The following FBXO10 variants were observed in gnomAD, a reference collection of about 807,000 sequenced individuals.
The protein encoded by FBXO10 is F-box protein 10, also known as F-box only protein 10.
A neutral mutation model predicts 80.7 loss-of-function variants in FBXO10; 39 were observed. That is an observed-to-expected ratio of 0.48 (90% confidence interval 0.37 to 0.63). The LOEUF (loss-of-function observed/expected upper bound fraction) is 0.63. Among genes scored for constraint, FBXO10 ranks in the 30% least tolerant of loss-of-function variants. The pLI is 0.00. For synonymous variants in FBXO10, 449 were observed against 489.6 expected (o/e 0.92, Z 1.09); for missense variants, 1,025 against 1,269.0 (o/e 0.81, Z 2.92).
chr9:37,515,939 G>A lies in FBXO10; in HGVS notation c.2661C>T (p.Ile887=). 6.2e-7 allele frequency: 1 copy of A among 1,613,928 alleles called. No individual in the cohort carries two copies. The highest frequency in any genetic ancestry group is 8.5e-7 in the Non-Finnish European group (1 of 1,179,856). Residue 887 remains isoleucine, a synonymous_variant, in exon 10 of 11, where the codon ATC becomes ATT. Coordinates refer to ENST00000432825, the MANE Select transcript of FBXO10 (RefSeq NM_012166.3). ...FQQISNNREC[I]MQNNKFLVFK... ...AGACCAGGAACTTGTTGTTTTGCAT[G>A]ATGCATTCTCGGTTGTTTGAGATCT...
chr9:37,553,695 C>T (rs147430949), intron 1 of FBXO10, among the ~76,000 whole-genome samples: 2 of 149,816 alleles, frequency 1.3e-5, no homozygotes, highest in South Asian at 2.1e-4. Context: ...CACCAGAGGT[C>T]GGGAGTTCGA....
intron 3 of FBXO10, among the ~76,000 whole-genome samples, chr9:37,533,320 C>A (rs1008943249): frequency 1.3e-5 from 2 of 151,956 alleles, no homozygotes; most frequent in South Asian, 2.1e-4. Flanking sequence ...CCGAGGTGGG[C>A]GGATCACTTG....
intron 1 of FBXO10, among the ~76,000 whole-genome samples, chr9:37,567,270 G>A (rs1356255953): frequency 6.6e-6 from 1 of 150,734 alleles, no homozygotes; most frequent in Non-Finnish European, 1.5e-5. Context: ...AGCCTCCTGA[G>A]TAGCTGGGAC....
At chr9:37,520,296 C>T (rs1369355903) in intron 8 of FBXO10, among the ~76,000 whole-genome samples, 3 of 132,054 alleles carry the variant, frequency 2.3e-5, no homozygotes, top group Non-Finnish European at 3.2e-5. Flanking sequence ...CAAGAAATAT[C>T]AAACATCTTC....
In FBXO10 at chr9:37,537,254, G is replaced by A; in HGVS notation, c.1275C>T (p.Asn425=). 6.2e-7 allele frequency: 1 copy of A among 1,613,914 alleles called. No homozygotes were observed. Among genetic ancestry groups the A allele is most frequent in the East Asian group, 2.2e-5 (1 of 44,884 alleles). ...TGCGGATGAGGCAGCCCTGCACGGA[G>A]TTGGCCAGTGCCATGGCCTCCTTAT... is the stretch of plus-strand genomic sequence containing the variant. ...QKDKEAMALA[N]SVQGCLIRKC... The change falls in exon 3 of 11, where the codon AAC becomes AAT. Residue 425 remains asparagine, a synonymous_variant. Transcript: ENST00000432825.
intron 1 of FBXO10, among the ~76,000 whole-genome samples, chr9:37,565,291 C>G (rs1054339981): frequency 6.6e-6 from 1 of 152,124 alleles, no homozygotes; most frequent in Admixed American, 6.5e-5. Flanking sequence ...AGCGTGAGCA[C>G]AGACTAACAC....
chr9:37,512,261 T>G lies in FBXO10; in HGVS notation c.*286A>C. On this transcript the variant is annotated 3_prime_UTR_variant, in exon 11 of 11. Coordinates refer to ENST00000432825, the MANE Select transcript of FBXO10 (RefSeq NM_012166.3). ...GTTCCTTAGAACTCAGAGAAAATCC[T>G]GACCAAAAGCTTCAGCATTTGAGCT... 3.5e-6 allele frequency: 1 copy of G among 285,890 alleles called. No homozygotes were observed. Among genetic ancestry groups the G allele is most frequent in the East Asian group, 6.6e-5 (1 of 15,048 alleles). 17.7% of individuals were successfully genotyped at this position (285,890 alleles called of 1,614,324 possible). A position where few individuals can be genotyped will look rare whatever the true frequency, so the allele number is the denominator to read the frequency against.
intron 4 of FBXO10, among the ~76,000 whole-genome samples, chr9:37,530,145 T>A (rs1336980680): frequency 2.6e-5 from 4 of 152,236 alleles, no homozygotes; most frequent in Admixed American, 2.6e-4. Flanking sequence ...TAAAATTATC[T>A]CACTCTAAGT....
intron 6 of FBXO10, among the ~76,000 whole-genome samples, chr9:37,523,982 C>T (rs1267810935): frequency 6.6e-6 from 1 of 152,176 alleles, no homozygotes; most frequent in East Asian, 1.9e-4. Context: ...GGCCATTTAC[C>T]CACAAGCCTG....
chr9:37,512,746 T>C, intron 10 of FBXO10, 25 bp from the exon 11 acceptor site: 1 of 1,605,288 alleles, frequency 6.2e-7, no homozygotes, highest in Non-Finnish European at 8.5e-7. Flanking sequence ...CGAAAGTCAG[T>C]GAACTTCTGA....
chr9:37,558,369 T>C (rs1466301506), intron 1 of FBXO10, among the ~76,000 whole-genome samples: 1 of 152,186 alleles, frequency 6.6e-6, no homozygotes. Flanking sequence ...CCAACCCTCA[T>C]AAATGCATCT....
intron 1 of FBXO10, among the ~76,000 whole-genome samples, chr9:37,564,393 C>A (rs1822555836): frequency 6.6e-6 from 1 of 152,114 alleles, no homozygotes; most frequent in Non-Finnish European, 1.5e-5. Context: ...GGGGCACTGC[C>A]CAGTGGAGCT....
intron 1 of FBXO10, among the ~76,000 whole-genome samples, chr9:37,553,830 C>T (rs145222661): frequency 0.058 from 8,462 of 146,626 alleles, 298 homozygotes; most frequent in South Asian, 0.15. Context: ...GCAGGAGAAT[C>T]GCTTGAACCT....
At chr9:37,561,889 C>G (rs1822493784) in intron 1 of FBXO10, among the ~76,000 whole-genome samples, 1 of 152,110 alleles carries the variant, frequency 6.6e-6, no homozygotes, top group Admixed American at 6.5e-5. Context: ...GAATAGAGAC[C>G]TGAATGACAT....
At chr9:37,525,821 G>A (rs1821456521) in intron 5 of FBXO10, among the ~76,000 whole-genome samples, 1 of 152,116 alleles carries the variant, frequency 6.6e-6, no homozygotes, top group South Asian at 2.1e-4. Flanking sequence ...TTACAGGCAT[G>A]AGCCACCGCG....
chr9:37,532,103 T>C, intron 3 of FBXO10, 45 bp from the exon 4 acceptor site: 1 of 1,573,262 alleles, frequency 6.4e-7, no homozygotes. Context: ...TTACAAATAT[T>C]TTTTTAGAAA....
At chr9:37,568,356 C>T (rs1822662772) in intron 1 of FBXO10, among the ~76,000 whole-genome samples, 2 of 151,958 alleles carry the variant, frequency 1.3e-5, no homozygotes, top group Admixed American at 1.3e-4. Context: ...TGCCACCACG[C>T]CTGACTAATT....
intron 4 of FBXO10, 120 bp from the exon 5 acceptor site, chr9:37,529,380 T>C: frequency 9.2e-7 from 1 of 1,090,028 alleles, no homozygotes; most frequent in Non-Finnish European, 1.3e-6. Flanking sequence ...GACGTCACTG[T>C]AAGAGCCCTA....
intron 1 of FBXO10, among the ~76,000 whole-genome samples, chr9:37,557,203 T>C (rs1432372792): frequency 1.3e-5 from 2 of 152,222 alleles, no homozygotes; most frequent in South Asian, 2.1e-4. Context: ...TTACTTACAA[T>C]TGACCCGACC....
Sources: allele counts gnomAD v4.1 joint callset (sites outside exome capture counted in the v4.1 genomes callset), GRCh38; gene constraint gnomAD v4.1.1; transcripts MANE v1.5; gene names NCBI Gene and HGNC (gene_info 2026-07-23, HGNC 2026-07-21).